The following SH3KBP1 variants were observed in gnomAD, a reference collection of about 807,000 sequenced individuals.
The protein encoded by SH3KBP1 is SH3 domain containing kinase binding protein 1.
SH3KBP1 carries 8 observed loss-of-function variants against 50.1 expected under a neutral mutation model. The ratio of observed to expected loss-of-function variants is 0.16; its 90% confidence interval spans 0.09 to 0.29. SH3KBP1 has a LOEUF of 0.29. Ranked by LOEUF, SH3KBP1 falls within the 10% of genes least tolerant of loss-of-function variation. The pLI, the probability that SH3KBP1 is intolerant of heterozygous loss-of-function variation, is 1.00. For missense variants in SH3KBP1, 377 were observed against 535.2 expected, an observed-to-expected ratio of 0.70 and a Z score of 2.92; for synonymous variants, 227 against 218.6, an observed-to-expected ratio of 1.04 and a Z score of -0.34.
chrX:19,838,597 T>C (rs1017811508), intron 1 of SH3KBP1, among the ~76,000 whole-genome samples: 1 of 110,728 alleles, frequency 9.0e-6, no homozygotes, highest in Non-Finnish European at 1.9e-5. Context: ...GCCAAGAAAA[T>C]GGGAGAGCTG....
At chrX:19,884,184 C>T (rs775800905) in intron 1 of SH3KBP1, among the ~76,000 whole-genome samples, 29 of 112,424 alleles carry the variant, frequency 2.6e-4, no homozygotes, top group Middle Eastern at 4.6e-3. Flanking sequence ...ATCTTTCATG[C>T]GCTCTACTAT....
In SH3KBP1 at chrX:19,802,078, G is replaced by A. The variant is rs867823684; in HGVS notation, c.162+34047C>T. Among the ~76,000 whole-genome samples the A allele has an allele frequency of 1.5e-4, 16 of 108,431 alleles. No individual in the cohort carries two copies. In the Middle Eastern group the frequency reaches 0.015, roughly 102 times the overall value. 94.2% of individuals were successfully genotyped at this position (108,431 alleles called of 115,157 possible). A position where few individuals can be genotyped will look rare whatever the true frequency, so the allele number is the denominator to read the frequency against. ...GAGCGACAGAGCAAGGCTCTGTCTC[G>A]GGGAGGGGTGGCCAGTGGGGAACAT... On this transcript the variant is annotated intron_variant, in intron 2 of 17. Coordinates refer to ENST00000397821, the MANE Select transcript of SH3KBP1 (RefSeq NM_031892.3).
At chrX:19,790,230 G>A (rs1027009229) in intron 2 of SH3KBP1, among the ~76,000 whole-genome samples, 3 of 111,864 alleles carry the variant, frequency 2.7e-5, no homozygotes, top group Admixed American at 1.9e-4. Context: ...GGCAGCTGCC[G>A]TACCCACCAG....
intron 12 of SH3KBP1, among the ~76,000 whole-genome samples, chrX:19,569,501 G>T (rs2065942844): frequency 8.9e-6 from 1 of 112,747 alleles, no homozygotes. Context: ...GCCTGCTCCT[G>T]CCCTGCGGCC....
intron 3 of SH3KBP1, among the ~76,000 whole-genome samples, chrX:19,744,488 C>T (rs777713026): frequency 8.1e-5 from 9 of 111,758 alleles, no homozygotes; most frequent in East Asian, 2.8e-4. Flanking sequence ...ATTTATGTTA[C>T]GCCCAGGTGA....
chrX:19,691,699 A>C (rs1009890718), intron 5 of SH3KBP1, among the ~76,000 whole-genome samples: 60 of 111,138 alleles, frequency 5.4e-4, no homozygotes, highest in African/African-American at 2.0e-3. Flanking sequence ...CTTTATTTGG[A>C]TACAGACTCA....
chrX:19,858,491 G>C (rs185469693), intron 1 of SH3KBP1, among the ~76,000 whole-genome samples: 1 of 111,288 alleles, frequency 9.0e-6, no homozygotes, highest in Admixed American at 9.6e-5. Context: ...GGCTAGGTGT[G>C]GTGGTACACA....
intron 2 of SH3KBP1, among the ~76,000 whole-genome samples, chrX:19,818,823 A>G (rs1435611139): frequency 9.0e-6 from 1 of 111,552 alleles, no homozygotes; most frequent in African/African-American, 3.3e-5. Context: ...TGTTTTGCTA[A>G]TACTTTGCTG....
chrX:19,567,557 AAT>A (rs1555990522), intron 13 of SH3KBP1, among the ~76,000 whole-genome samples: 29 of 35,084 alleles, frequency 8.3e-4, no homozygotes, highest in East Asian at 4.1e-3. Context: ...AAAAAAAAAA[AAT>A]ATATATATAT....
chrX:19,709,975 A>T (rs1450657501), intron 3 of SH3KBP1, among the ~76,000 whole-genome samples: 2 of 111,352 alleles, frequency 1.8e-5, no homozygotes, highest in Non-Finnish European at 3.8e-5. Context: ...AAAGGAAAAA[A>T]ACTTATGACT....
chrX:19,775,203 T>C (rs6527944), intron 2 of SH3KBP1, among the ~76,000 whole-genome samples: 29,385 of 110,333 alleles, frequency 0.27, 4,798 homozygotes, highest in African/African-American at 0.62. Flanking sequence ...TGAGGCCCTG[T>C]AACATCCACT....
chrX:19,731,808 C>T (rs2064386270), intron 3 of SH3KBP1, among the ~76,000 whole-genome samples: 1 of 111,594 alleles, frequency 9.0e-6, no homozygotes, highest in African/African-American at 3.3e-5. Context: ...TTCCTTCAAG[C>T]GCCTTATAAT....
Position 19,880,867 on chromosome X carries a change from G to A in SH3KBP1, c.4+6440C>T, listed in dbSNP as rs868755515. ...CAGAGGTTGGAGGGCTGGGGTACGA[G>A]TGAAGGAGGTAAAGGCACTGCAGGC... On this transcript the variant is annotated intron_variant, in intron 1 of 17. Transcript: ENST00000397821. Among the ~76,000 whole-genome samples, 8 of 111,890 alleles carry A rather than the reference G, an allele frequency of 7.1e-5. No individual in the cohort carries two copies. In the Admixed American group the frequency reaches 7.6e-4, roughly 11 times the overall value.
chrX:19,671,387 CACACACACAT>C (rs1318070843), intron 6 of SH3KBP1, among the ~76,000 whole-genome samples: 1 of 110,050 alleles, frequency 9.1e-6, no homozygotes, highest in African/African-American at 3.3e-5. Flanking sequence ...CACACACACA[CACACACACAT>C]ACACACACAC....
chrX:19,877,268 G>A (rs2069282506), intron 1 of SH3KBP1, among the ~76,000 whole-genome samples: 1 of 112,016 alleles, frequency 8.9e-6, no homozygotes, highest in Non-Finnish European at 1.9e-5. Flanking sequence ...CAGGAGAAAG[G>A]CAAAGTTCAT....
chrX:19,760,184 G>C (rs960750082), intron 2 of SH3KBP1, among the ~76,000 whole-genome samples: 2 of 107,710 alleles, frequency 1.9e-5, no homozygotes, highest in African/African-American at 6.8e-5. Flanking sequence ...TCAGGAGATT[G>C]AGACTATCCT....
chrX:19,680,686 T>C (rs2063029237), intron 6 of SH3KBP1, among the ~76,000 whole-genome samples: 1 of 112,385 alleles, frequency 8.9e-6, no homozygotes, highest in African/African-American at 3.2e-5. Flanking sequence ...AACCAGGTTG[T>C]ATGCTAATAA....
chrX:19,858,619 C>A (rs2068711568), intron 1 of SH3KBP1, among the ~76,000 whole-genome samples: 1 of 112,073 alleles, frequency 8.9e-6, no homozygotes, highest in Middle Eastern at 4.6e-3. Flanking sequence ...CACAGCAAAG[C>A]CCTGTCTCAA....
At chrX:19,654,239 T>C (rs1355729314) in intron 6 of SH3KBP1, among the ~76,000 whole-genome samples, 3 of 111,682 alleles carry the variant, frequency 2.7e-5, no homozygotes, top group Admixed American at 9.5e-5. Context: ...TGAACACCTC[T>C]AGAGACCATG....
Sources: gnomAD v4.1 joint callset for allele counts (sites outside exome capture counted in the v4.1 genomes callset) on GRCh38, gnomAD v4.1.1 for gene constraint, MANE v1.5 for transcripts, NCBI Gene and HGNC (gene_info 2026-07-23, HGNC 2026-07-21) for gene names.